The following RTL4 variants were observed in gnomAD, a reference collection of about 807,000 sequenced individuals.
RTL4 encodes the protein retrotransposon Gag like 4, also known as retrotransposon Gag-like protein 4.
Under a neutral mutation model 5.3 loss-of-function variants are expected in RTL4, and 4 were observed. The observed-to-expected ratio is 0.75, with a 90% CI of 0.37 to 1.72. The LOEUF is 1.72. Among genes scored for constraint, RTL4 ranks in the 40% most tolerant of loss-of-function variants. The probability of loss-of-function intolerance (pLI) is 0.04; values close to 1 mark genes in which losing one functional copy is unlikely to be tolerated. For synonymous variants in RTL4, 98 were observed against 87.3 expected, an observed-to-expected ratio of 1.12 and a Z score of -0.68; for missense variants, 260 against 227.1, an observed-to-expected ratio of 1.14 and a Z score of -0.93.
chrX:112,239,550 A>G, the RTL4 span, among the ~76,000 whole-genome samples: 1 of 111,026 alleles, frequency 9.0e-6, no homozygotes, highest in Admixed American at 9.6e-5. Context: ...ACAAGTTAGA[A>G]CATGGGTGTG....
At chrX:112,126,310 G>C in the RTL4 span, among the ~76,000 whole-genome samples, 1 of 112,346 alleles carries the variant, frequency 8.9e-6, no homozygotes, top group Non-Finnish European at 1.9e-5. Context: ...AGGTACCTAA[G>C]TGCTTTGCAA....
the RTL4 span, among the ~76,000 whole-genome samples, chrX:112,241,425 G>C: frequency 1.8e-5 from 2 of 111,915 alleles, no homozygotes; most frequent in East Asian, 5.6e-4. Context: ...GTTTTGATTT[G>C]CATTTATCTG....
chrX:112,226,229 T>G, the RTL4 span, among the ~76,000 whole-genome samples: 1 of 112,100 alleles, frequency 8.9e-6, no homozygotes, highest in African/African-American at 3.2e-5. Flanking sequence ...TTTTTCAGCC[T>G]TTGTGCACAC....
chrX:112,118,608 A>G, the RTL4 span, among the ~76,000 whole-genome samples: 2 of 112,140 alleles, frequency 1.8e-5, no homozygotes, highest in Non-Finnish European at 3.8e-5. Context: ...GGAGGGAATT[A>G]TACAAGGGTG....
At chrX:112,233,991 G>A in the RTL4 span, among the ~76,000 whole-genome samples, 3 of 110,514 alleles carry the variant, frequency 2.7e-5, no homozygotes, top group South Asian at 3.9e-4. Context: ...AGGAGATTGA[G>A]ACCATCCTGG....
the RTL4 span, among the ~76,000 whole-genome samples, chrX:112,194,356 C>T: frequency 9.0e-6 from 1 of 110,502 alleles, no homozygotes; most frequent in African/African-American, 3.3e-5. Context: ...GGGTTGGGCT[C>T]AAGATGGGAA....
chrX:112,455,155 G>A lies in RTL4; in HGVS notation c.427G>A (p.Glu143Lys), dbSNP rs1391421694. 4 of 1,209,725 alleles carry A rather than the reference G, an allele frequency of 3.3e-6. No individual in the cohort carries two copies. The East Asian group carries it at 1.2e-4, about 36-fold the overall frequency. ...GTCATTTGGTAAACCCACAAAACAG[G>A]AAATCAATCCTCTGATGAATGCTAA... is the stretch of plus-strand genomic sequence containing the variant. The change falls in exon 1 of 1, where the codon GAA becomes AAA. Residue 143 changes from glutamate to lysine, a missense_variant. Coordinates refer to ENST00000340433, the Ensembl canonical transcript of RTL4.
the RTL4 span, among the ~76,000 whole-genome samples, chrX:112,212,420 G>A: frequency 8.9e-6 from 1 of 112,521 alleles, no homozygotes; most frequent in Middle Eastern, 4.6e-3. Flanking sequence ...AGTACATGCA[G>A]TGCCTAGGTC....
the RTL4 span, among the ~76,000 whole-genome samples, chrX:112,197,401 G>A: frequency 9.1e-6 from 1 of 110,335 alleles, no homozygotes; most frequent in Non-Finnish European, 1.9e-5. Flanking sequence ...GCCTTATCTG[G>A]TACAACTTCA....
chrX:112,402,051 C>G, the RTL4 span, among the ~76,000 whole-genome samples: 1 of 112,017 alleles, frequency 8.9e-6, no homozygotes, highest in East Asian at 2.8e-4. Flanking sequence ...AGTGTACCTT[C>G]TTCTCCATCC....
chrX:112,300,331 C>G, the RTL4 span, among the ~76,000 whole-genome samples: 8 of 112,084 alleles, frequency 7.1e-5, no homozygotes, highest in African/African-American at 2.6e-4. Flanking sequence ...TTCCAATTGT[C>G]TGAATAGCAA....
the RTL4 span, among the ~76,000 whole-genome samples, chrX:112,304,911 C>T: frequency 0.014 from 1,564 of 109,246 alleles, 13 homozygotes; most frequent in African/African-American, 0.05. Context: ...TGGCATGTTA[C>T]TAAGAGACCC....
the RTL4 span, among the ~76,000 whole-genome samples, chrX:112,192,901 G>C: frequency 8.9e-6 from 1 of 111,952 alleles, no homozygotes; most frequent in Non-Finnish European, 1.9e-5. Context: ...CATTTAGCCT[G>C]AAGGAACTCC....
the RTL4 span, among the ~76,000 whole-genome samples, chrX:112,389,733 CTTTTA>C: frequency 1.8e-5 from 2 of 109,977 alleles, no homozygotes; most frequent in African/African-American, 6.6e-5. Context: ...ATAGTTTTAA[CTTTTA>C]TTTTTATTGT....
At chrX:112,366,584 T>C in the RTL4 span, among the ~76,000 whole-genome samples, 13 of 112,090 alleles carry the variant, frequency 1.2e-4, no homozygotes, top group Admixed American at 9.4e-4. Context: ...ATGGCTTATT[T>C]TATGAGTATG....
At chrX:112,163,481 C>A in the RTL4 span, among the ~76,000 whole-genome samples, 1 of 111,549 alleles carries the variant, frequency 9.0e-6, no homozygotes, top group Non-Finnish European at 1.9e-5. Flanking sequence ...CCAGAGGGAT[C>A]GTGGGGAACA....
chrX:112,294,813 A>G, the RTL4 span, among the ~76,000 whole-genome samples: 2 of 111,469 alleles, frequency 1.8e-5, no homozygotes, highest in African/African-American at 6.5e-5. Context: ...AGTTCATTTC[A>G]TTAGCACTTA....
chrX:112,390,142 T>TATATATATA, the RTL4 span, among the ~76,000 whole-genome samples: 1 of 45,559 alleles, frequency 2.2e-5, no homozygotes, highest in Non-Finnish European at 3.9e-5. Context: ...TATATATATA[T>TATATATATA]ATATATATAT....
the RTL4 span, among the ~76,000 whole-genome samples, chrX:112,091,305 G>A: frequency 3.6e-5 from 4 of 111,138 alleles, no homozygotes; most frequent in African/African-American, 1.3e-4. Context: ...GGTTTAATTT[G>A]TTCTATTACT....
Sources: gnomAD v4.1 joint callset for allele counts (sites outside exome capture counted in the v4.1 genomes callset) on GRCh38, gnomAD v4.1.1 for gene constraint, MANE v1.5 for transcripts, NCBI Gene and HGNC (gene_info 2026-07-23, HGNC 2026-07-21) for gene names.